NHSL1: variants seen among roughly 807,000 people sequenced by gnomAD.
The protein encoded by NHSL1 is NHS like 1.
Under a neutral mutation model 95.0 loss-of-function variants are expected in NHSL1, and 48 were observed. The observed-to-expected ratio is 0.51, with a 90% CI of 0.40 to 0.64. NHSL1 has a LOEUF of 0.64. Ranked by LOEUF, NHSL1 falls within the 30% of genes least tolerant of loss-of-function variation. The probability of loss-of-function intolerance (pLI) is 0.00; values close to 1 mark genes in which losing one functional copy is unlikely to be tolerated. For missense variants in NHSL1, 1,971 were observed against 2,077.7 expected (o/e 0.95, Z 1.00); for synonymous variants, 783 against 833.9 (o/e 0.94, Z 1.05).
At chr6:138,543,635 T>C (rs1193599397) in intron 1 of NHSL1, among the ~76,000 whole-genome samples, 1 of 152,222 alleles carries the variant, frequency 6.6e-6, no homozygotes, top group African/African-American at 2.4e-5. Context: ...CCCTAGGACC[T>C]TGGCTAGCCA....
chr6:138,469,679 T>C (rs1778628192), intron 3 of NHSL1, among the ~76,000 whole-genome samples: 1 of 151,992 alleles, frequency 6.6e-6, no homozygotes, highest in Non-Finnish European at 1.5e-5. Context: ...GAACCGTGAC[T>C]GCGCCACTGC....
upstream of NHSL1, among the ~76,000 whole-genome samples, chr6:138,548,343 G>A (rs1210685378): frequency 6.6e-6 from 1 of 152,196 alleles, no homozygotes; most frequent in Non-Finnish European, 1.5e-5. Flanking sequence ...GGACTGAAAA[G>A]TAAAGAGAAT....
intron 2 of NHSL1, 30 bp downstream of exon 2, chr6:138,496,189 A>G: frequency 1.3e-6 from 2 of 1,550,124 alleles, no homozygotes; most frequent in Non-Finnish European, 8.7e-7. Flanking sequence ...GTAACCCAAG[A>G]AAATAAGCTC....
chr6:138,633,488 C>CTT (rs897700700), intron 1 of NHSL1, among the ~76,000 whole-genome samples: 3 of 152,192 alleles, frequency 2.0e-5, no homozygotes, highest in African/African-American at 4.8e-5. Context: ...TGGCAGTGGA[C>CTT]TTTTCAGTGG....
At chr6:138,606,608 G>A (rs946671417) in intron 1 of NHSL1, among the ~76,000 whole-genome samples, 34 of 151,820 alleles carry the variant, frequency 2.2e-4, no homozygotes, top group African/African-American at 7.7e-4. Context: ...ATATTCCCCA[G>A]CAAAATCATG....
chr6:138,449,744 C>A (rs1777110622), intron 3 of NHSL1, among the ~76,000 whole-genome samples: 1 of 151,736 alleles, frequency 6.6e-6, no homozygotes, highest in South Asian at 2.1e-4. Context: ...AAAGCAAAGT[C>A]ATGAATTGAC....
upstream of NHSL1, among the ~76,000 whole-genome samples, chr6:138,502,772 C>T (rs918573951): frequency 2.6e-5 from 4 of 152,244 alleles, no homozygotes; most frequent in African/African-American, 4.8e-5. Flanking sequence ...ATCTGTAAAA[C>T]GGGATAACAA....
At position 138,423,993 on chromosome 6, in the gene NHSL1, G is replaced by C; in HGVS notation, c.*88C>G. ...CAGAAGCAGAGTGGGCTCCCCGGGT[G>C]AGCCAGGGAAGGGCGCCTAGCAGGC... is the stretch of plus-strand genomic sequence containing the variant. On this transcript the variant is annotated 3_prime_UTR_variant, in exon 8 of 8. Transcript: ENST00000343505. The C allele has an allele frequency of 8.0e-7, 1 of 1,245,048 alleles. No individual in the cohort carries two copies. Among genetic ancestry groups the C allele is most frequent in the South Asian group, 3.4e-5 (1 of 29,640 alleles). 77.1% of individuals were successfully genotyped at this position (1,245,048 alleles called of 1,614,324 possible). A position where few individuals can be genotyped will look rare whatever the true frequency, so the allele number is the denominator to read the frequency against.
At chr6:138,442,247 T>C (rs1212641176) in intron 4 of NHSL1, 133 bp from the exon 5 acceptor site, 63 of 904,506 alleles carry the variant, frequency 7.0e-5, no homozygotes, top group Non-Finnish European at 9.7e-5. Context: ...TGATGATGAA[T>C]GCTGAAGGGC....
At chr6:138,567,739 G>C (rs1381663248) in intron 1 of NHSL1, among the ~76,000 whole-genome samples, 1 of 151,948 alleles carries the variant, frequency 6.6e-6, no homozygotes, top group Non-Finnish European at 1.5e-5. Context: ...GTCATTCTCT[G>C]GCCATTTTTG....
At chr6:138,616,101 A>G (rs929366989) in intron 1 of NHSL1, among the ~76,000 whole-genome samples, 1 of 152,242 alleles carries the variant, frequency 6.6e-6, no homozygotes, top group African/African-American at 2.4e-5. Context: ...CCAATGTCCC[A>G]GAAATAATAA....
rs148933943 is a variant in NHSL1 at position 138,511,081 on chromosome 6, C to T, written c.17-14710G>A. On this transcript the variant is annotated intron_variant, in intron 1 of 4. Transcript: ENST00000342260. ...TCAACCAGGAAGCGAAACGATAATG[C>T]TAATTCTAGGTAATGGCACTGACTT... 6.0e-4 allele frequency among the ~76,000 whole-genome samples: 92 copies of T among 152,272 alleles called. 1 individual carries two copies. The highest frequency in any genetic ancestry group is 1.9e-3 in the African/African-American group (79 of 41,546).
At chr6:138,427,887 G>A (rs1775365764) in intron 7 of NHSL1, among the ~76,000 whole-genome samples, 2 of 152,208 alleles carry the variant, frequency 1.3e-5, no homozygotes, top group Non-Finnish European at 2.9e-5. Context: ...CGCTACAACA[G>A]AAATTAGCAT....
intron 5 of NHSL1, among the ~76,000 whole-genome samples, chr6:138,434,005 A>G (rs1775898923): frequency 6.6e-6 from 1 of 152,202 alleles, no homozygotes; most frequent in Non-Finnish European, 1.5e-5. Flanking sequence ...ATCACCTTTC[A>G]GTAAAGTCTT....
At chr6:138,456,871 A>ATTTC (rs1413030103) in intron 3 of NHSL1, among the ~76,000 whole-genome samples, 1 of 151,344 alleles carries the variant, frequency 6.6e-6, no homozygotes, top group Admixed American at 6.6e-5. Flanking sequence ...ATTTTCTGGA[A>ATTTC]TTTCTTTCTT....
intron 3 of NHSL1, among the ~76,000 whole-genome samples, chr6:138,455,961 C>T (rs370763709): frequency 1.1e-3 from 161 of 152,296 alleles, no homozygotes; most frequent in African/African-American, 3.8e-3. Flanking sequence ...TTCTTTGAAG[C>T]GTGGTTTGAA....
upstream of NHSL1, among the ~76,000 whole-genome samples, chr6:138,550,659 A>G (rs887057074): frequency 1.3e-5 from 2 of 152,226 alleles, no homozygotes; most frequent in Non-Finnish European, 2.9e-5. Context: ...AAACCACTCC[A>G]GTGTGATTTC....
chr6:138,528,238 A>C (rs1020262053), intron 1 of NHSL1, among the ~76,000 whole-genome samples: 1 of 152,190 alleles, frequency 6.6e-6, no homozygotes, highest in African/African-American at 2.4e-5. Flanking sequence ...CCTAATACTC[A>C]GGGAATAGCC....
chr6:138,447,900 C>T (rs528798615), intron 3 of NHSL1, among the ~76,000 whole-genome samples: 10 of 152,280 alleles, frequency 6.6e-5, no homozygotes, highest in South Asian at 4.1e-4. Flanking sequence ...AATTTCTAGC[C>T]TCAATCTTAT....
Sources: allele counts gnomAD v4.1 joint callset (sites outside exome capture counted in the v4.1 genomes callset), GRCh38; gene constraint gnomAD v4.1.1; transcripts MANE v1.5; gene names NCBI Gene and HGNC (gene_info 2026-07-23, HGNC 2026-07-21).